Variants in EXD3 observed in about 807,000 individuals in gnomAD.
EXD3 encodes the protein exonuclease mut-7 homolog.
Under a neutral mutation model 98.0 loss-of-function variants are expected in EXD3, and 92 were observed. The ratio of observed to expected loss-of-function variants is 0.94; its 90% CI spans 0.79 to 1.12. The LOEUF (loss-of-function observed/expected upper bound fraction) is 1.12. EXD3 is among the 50% of genes most tolerant of loss of function. EXD3 has a pLI of 0.00. For missense variants in EXD3, 1,222 were observed against 1,191.6 expected (o/e 1.03, Z -0.38); for synonymous variants, 569 against 526.0 (o/e 1.08, Z -1.12).
In EXD3 at chr9:137,420,744, C is replaced by T. The variant is rs576471057; in HGVS notation, c.-48+2370G>A. Among the ~76,000 whole-genome samples the T allele has an allele frequency of 1.2e-4, 17 of 147,564 alleles. 1 individual carries two copies. The highest frequency in any genetic ancestry group is 2.3e-4 in the Non-Finnish European group (15 of 65,868). On this transcript the variant is annotated intron_variant, in intron 1 of 21. Coordinates refer to ENST00000340951, the MANE Select transcript of EXD3 (RefSeq NM_017820.5). Reference sequence around the variant, plus strand: ...CCTGGAGGACAGACATTCACCCCCCCCCCCAAATTCATACAGGTATTATAC... The same window carrying T: ...CCTGGAGGACAGACATTCACCCCCCTCCCCAAATTCATACAGGTATTATAC...
At chr9:137,419,982 A>G (rs961746996) in intron 1 of EXD3, among the ~76,000 whole-genome samples, 1 of 151,918 alleles carries the variant, frequency 6.6e-6, no homozygotes, top group Non-Finnish European at 1.5e-5. Context: ...ATACGGTGAA[A>G]CCCCATCTCT....
At chr9:137,340,987 C>T (rs796600498) in intron 17 of EXD3, among the ~76,000 whole-genome samples, 8 of 152,124 alleles carry the variant, frequency 5.3e-5, no homozygotes, top group Non-Finnish European at 1.0e-4. Context: ...TGGGTGATAA[C>T]GTTAGAGGGA....
intron 1 of EXD3, among the ~76,000 whole-genome samples, chr9:137,398,881 C>G (rs1837351125): frequency 6.6e-6 from 1 of 151,274 alleles, no homozygotes; most frequent in Non-Finnish European, 1.5e-5. Flanking sequence ...CCCCGTGACA[C>G]ACATGCACCC....
intron 1 of EXD3, among the ~76,000 whole-genome samples, chr9:137,411,565 AAGAACCCAGGTTGCTGGCAGAGGCTC>A (rs1391515961): frequency 6.6e-6 from 1 of 151,648 alleles, no homozygotes; most frequent in African/African-American, 2.4e-5. Context: ...AGGACCCCAC[AAGAACCCAGGTTGCTGGCAGAGGCTC>A]AGAGGTGGCC....
intron 17 of EXD3, among the ~76,000 whole-genome samples, chr9:137,327,045 C>T (rs1443797114): frequency 1.3e-5 from 2 of 151,938 alleles, no homozygotes; most frequent in East Asian, 1.9e-4. Flanking sequence ...TACGAGGTAC[C>T]TAGGACAGGT....
At position 137,403,839 on chromosome 9, in the gene EXD3, GA is replaced by G. The variant is rs1837588889; in HGVS notation, c.-47-8436del. On this transcript the variant is annotated intron_variant, in intron 1 of 21. Transcript: ENST00000340951. The surrounding 1 kb of genome is among the most constrained non-coding windows in gnomAD (Gnocchi z 6.1). ...TGCCCCAGCCTGGGCTCTTCACCAGGAAATGAAGGGGAAGACAGACCTGTGG... is the reference window on the plus strand; with the variant it reads ...TGCCCCAGCCTGGGCTCTTCACCAGGAATGAAGGGGAAGACAGACCTGTGG... Among the ~76,000 whole-genome samples, 1 of 152,322 alleles carries G rather than the reference GA, an allele frequency of 6.6e-6. No individual in the cohort carries two copies. Among genetic ancestry groups the G allele is most frequent in the Admixed American group, 6.5e-5 (1 of 15,298 alleles).
intron 18 of EXD3, 99 bp downstream of exon 18, chr9:137,323,991 G>A (rs943670825): frequency 6.5e-7 from 1 of 1,529,076 alleles, no homozygotes; most frequent in South Asian, 1.2e-5. Context: ...CTGGGGGTCG[G>A]CCCCACGGCA....
chr9:137,393,212 G>GAGGCT lies in EXD3; in HGVS notation c.55+2086_55+2090dup, dbSNP rs1320621450. ...CATCCCACTCTGCTTAGGTGGAGAAGAGGCTGTAGAAGCCTGTGGGTGCCT... is the reference window on the plus strand; with the variant it reads ...CATCCCACTCTGCTTAGGTGGAGAAGAGGCTAGGCTGTAGAAGCCTGTGGGTGCCT... On this transcript the variant is annotated intron_variant, in intron 2 of 21. Coordinates refer to ENST00000340951, the MANE Select transcript of EXD3 (RefSeq NM_017820.5). This position sits in a 1 kb window ranked among gnomAD's most constrained non-coding sequence, Gnocchi z 4.6. 1.1e-5 allele frequency: 8 copies of GAGGCT among 702,634 alleles called. No individual in the cohort carries two copies. The highest frequency in any genetic ancestry group is 2.1e-5 in the Non-Finnish European group (8 of 384,928). The allele number at this position is 702,634 out of a possible 1,614,324, so 43.5% of individuals were successfully genotyped here. A position where few individuals can be genotyped will look rare whatever the true frequency, so the allele number is the denominator to read the frequency against.
At chr9:137,342,910 G>A (rs772984144) in intron 17 of EXD3, among the ~76,000 whole-genome samples, 12 of 152,086 alleles carry the variant, frequency 7.9e-5, no homozygotes, top group East Asian at 1.9e-4. Flanking sequence ...TTACAAGGTC[G>A]GGAGATCGAG....
chr9:137,353,775 T>C (rs1834441665), intron 10 of EXD3: 2 of 985,762 alleles, frequency 2.0e-6, no homozygotes, highest in South Asian at 9.4e-5. Flanking sequence ...GGAGGGGACC[T>C]GCCCAGCAGG....
At chr9:137,414,062 G>A (rs1189513252) in intron 1 of EXD3, among the ~76,000 whole-genome samples, 5 of 151,954 alleles carry the variant, frequency 3.3e-5, no homozygotes, top group South Asian at 2.1e-4. Flanking sequence ...GACTACAGGC[G>A]TCCGCCACCA....
intron 5 of EXD3, among the ~76,000 whole-genome samples, chr9:137,372,063 A>G (rs570062179): frequency 2.6e-5 from 4 of 152,264 alleles, no homozygotes; most frequent in Admixed American, 2.6e-4. Context: ...AGCCTTGTTC[A>G]CAAAGGAGAC....
chr9:137,364,663 A>T (rs1835132136), intron 7 of EXD3, among the ~76,000 whole-genome samples: 1 of 151,854 alleles, frequency 6.6e-6, no homozygotes, highest in Admixed American at 6.6e-5. Flanking sequence ...ATGAAATCTA[A>T]CACTGCAGGG....
At chr9:137,308,998 C>T (rs1329689836) in intron 20 of EXD3, among the ~76,000 whole-genome samples, 2 of 152,086 alleles carry the variant, frequency 1.3e-5, no homozygotes, top group Non-Finnish European at 2.9e-5. Flanking sequence ...TGCCAGCCCC[C>T]GACTGAGGAT....
chr9:137,369,826 C>A (rs1467611381), intron 5 of EXD3, among the ~76,000 whole-genome samples: 1 of 152,362 alleles, frequency 6.6e-6, no homozygotes, highest in Non-Finnish European at 1.5e-5. Context: ...CAGCTCAGCC[C>A]TTCTCTTCAC....
chr9:137,349,504 C>G lies in EXD3; in HGVS notation c.1522G>C (p.Ala508Pro). The change falls in exon 15 of 22, where the codon GCC (alanine) becomes CCC (proline). Residue 508 changes from alanine to proline, a missense_variant. Ala to Pro is a conservative substitution (Grantham distance 27, BLOSUM62 -1). Coordinates refer to ENST00000340951, the MANE Select transcript of EXD3 (RefSeq NM_017820.5). The surrounding 1 kb of genome is among the most constrained non-coding windows in gnomAD (Gnocchi z 7.4). Reference protein sequence around the residue: ...QMRVASVPAPAVDRARELRGL... With the variant: ...QMRVASVPAPPVDRARELRGL... ...CTCAGCTCCCTGGCCCTGTCCACGG[C>G]TGGGGCTGGCACGCTCGCCACCCGC... 1 of 1,600,094 alleles carries G rather than the reference C, an allele frequency of 6.2e-7. No individual in the cohort carries two copies.
chr9:137,368,274 G>A (rs1372494062), intron 5 of EXD3, among the ~76,000 whole-genome samples: 1 of 152,226 alleles, frequency 6.6e-6, no homozygotes, highest in Non-Finnish European at 1.5e-5. Flanking sequence ...CACAGCCTGG[G>A]TCCCAGGGCC....
Position 137,307,215 on chromosome 9 carries a change from C to T in EXD3, c.2366G>A (p.Cys789Tyr). The change falls in exon 22 of 22, where the codon TGC (cysteine) becomes TAC (tyrosine). Residue 789 changes from cysteine (C) to tyrosine (Y), a missense_variant. Transcript: ENST00000340951. ...CAGGTCAGCCATCTGCAGCCAGCGG[C>T]AGGGGCGGTCATAGGTGCAGCCCTC... ...APEGCTYDRP[C>Y]RWLQMADLRA... is the part of the protein sequence containing the mutation. 6.4e-7 allele frequency: 1 copy of T among 1,573,964 alleles called. No homozygotes were observed. The highest frequency in any genetic ancestry group is 8.6e-7 in the Non-Finnish European group (1 of 1,159,924).
In EXD3 at chr9:137,407,550, C is replaced by G. The variant is rs554556126; in HGVS notation, c.-47-12146G>C. On this transcript the variant is annotated intron_variant, in intron 1 of 21. Coordinates refer to ENST00000340951, the MANE Select transcript of EXD3 (RefSeq NM_017820.5). This position sits in a 1 kb window ranked among gnomAD's most constrained non-coding sequence, Gnocchi z 4.4. ...TCCCCGCCCCCATCTCCCGGGATCC[C>G]TTGGCTAAGGGAGGGTGACTGGTGG... Among the ~76,000 whole-genome samples the G allele has an allele frequency of 2.6e-5, 4 of 152,312 alleles. No individual in the cohort carries two copies. The East Asian group carries it at 7.7e-4, about 29-fold the overall frequency.
Sources: allele counts gnomAD v4.1 joint callset (sites outside exome capture counted in the v4.1 genomes callset), GRCh38; gene constraint gnomAD v4.1.1; non-coding constraint Gnocchi (gnomAD v3.1); transcripts MANE v1.5; gene names NCBI Gene and HGNC (gene_info 2026-07-23, HGNC 2026-07-21).